PHTF1: variants seen among roughly 807,000 people sequenced by gnomAD.
PHTF1 encodes protein PHTF1.
PHTF1 carries 88 observed loss-of-function variants against 102.4 expected under a neutral mutation model. The observed-to-expected ratio is 0.86, with a 90% CI of 0.72 to 1.03. PHTF1 has a LOEUF of 1.03. PHTF1 is among the 50% of genes least tolerant of loss of function. PHTF1 has a pLI of 0.00. For missense variants in PHTF1, 814 were observed against 909.5 expected (o/e 0.89, Z 1.35); for synonymous variants, 289 against 305.2 (o/e 0.95, Z 0.55).
chr1:113,710,821 T>G, intron 10 of PHTF1, among the ~76,000 whole-genome samples: 1 of 147,564 alleles, frequency 6.8e-6, no homozygotes, highest in Middle Eastern at 3.5e-3. Flanking sequence ...TTTTTTTTTT[T>G]TTTTTGTAAA....
In PHTF1 at chr1:113,699,842, A is replaced by T. The variant is rs748414068; in HGVS notation, c.2047-43T>A. On this transcript the variant is annotated intron_variant, in intron 16 of 18. Coordinates refer to ENST00000369604, the MANE Select transcript of PHTF1 (RefSeq NM_001323043.2). ...AATTAAGGTAAATTTCTTGGAAAAA[A>T]ATATATATACTGCATAAAATCTGGC... The T allele has an allele frequency of 5.7e-5, 46 of 810,612 alleles. No homozygotes were observed. In the East Asian group the frequency reaches 6.1e-4, roughly 11 times the overall value. 50.2% of individuals were successfully genotyped at this position (810,612 alleles called of 1,614,324 possible).
At chr1:113,736,769 C>T (rs147944094) in intron 5 of PHTF1, among the ~76,000 whole-genome samples, 5 of 152,072 alleles carry the variant, frequency 3.3e-5, no homozygotes, top group South Asian at 4.2e-4. Flanking sequence ...AAAACAGCTC[C>T]GTGTGAAGAA....
At chr1:113,747,279 ATT>A (rs1236106458) in intron 3 of PHTF1, among the ~76,000 whole-genome samples, 1 of 152,124 alleles carries the variant, frequency 6.6e-6, no homozygotes, top group African/African-American at 2.4e-5. Context: ...CCTCTCACAA[ATT>A]TTTTGCTTGT....
chr1:113,707,103 C>G (rs2101125293), intron 11 of PHTF1, among the ~76,000 whole-genome samples: 1 of 151,792 alleles, frequency 6.6e-6, no homozygotes, highest in East Asian at 1.9e-4. Flanking sequence ...AGGTTGCTTC[C>G]CTCTCTAAAG....
intron 17 of PHTF1, 47 bp downstream of exon 17, chr1:113,699,657 G>T: frequency 1.2e-6 from 1 of 820,102 alleles, no homozygotes; most frequent in Non-Finnish European, 2.1e-6. Context: ...AGAAAAGACT[G>T]ATTTAACTCA....
chr1:113,750,003 T>G (rs919567050), intron 3 of PHTF1, among the ~76,000 whole-genome samples: 40 of 147,846 alleles, frequency 2.7e-4, no homozygotes, highest in South Asian at 1.7e-3. Context: ...TTTGTTTTTG[T>G]TTTTTTTTCA....
chr1:113,746,746 T>C, intron 3 of PHTF1: 1 of 234,770 alleles, frequency 4.3e-6, no homozygotes, highest in South Asian at 1.6e-4. Flanking sequence ...ATTTAATGTA[T>C]TATTTGGTTT....
intron 2 of PHTF1, 131 bp downstream of exon 2, chr1:113,758,528 T>A: frequency 2.3e-6 from 1 of 436,580 alleles, no homozygotes. Flanking sequence ...TTTTTTTTTT[T>A]TTCATTTATG....
intron 11 of PHTF1, among the ~76,000 whole-genome samples, chr1:113,707,209 AAG>A (rs1273430076): frequency 6.6e-6 from 1 of 152,178 alleles, no homozygotes; most frequent in African/African-American, 2.4e-5. Flanking sequence ...GAAGTAAAGG[AAG>A]AGAGATACTA....
intron 11 of PHTF1, among the ~76,000 whole-genome samples, chr1:113,709,311 G>T (rs367836935): frequency 4.6e-5 from 7 of 152,050 alleles, no homozygotes; most frequent in Non-Finnish European, 8.8e-5. Flanking sequence ...TTAATGAAGC[G>T]ATTTTTTAAA....
chr1:113,700,621 T>C (rs1649332656), intron 16 of PHTF1, among the ~76,000 whole-genome samples, 173 bp downstream of exon 16: 1 of 152,222 alleles, frequency 6.6e-6, no homozygotes, highest in African/African-American at 2.4e-5. Flanking sequence ...GAGGAGATAT[T>C]ACATCCATTT....
intron 7 of PHTF1, among the ~76,000 whole-genome samples, chr1:113,721,411 A>C (rs773878213): frequency 1.5e-4 from 23 of 152,180 alleles, no homozygotes; most frequent in Non-Finnish European, 3.1e-4. Context: ...ATACTGAATG[A>C]GGAAAAACTG....
chr1:113,698,635 A>G lies in PHTF1; in HGVS notation c.2143-248T>C, dbSNP rs902298194. 7.3e-5 allele frequency among the ~76,000 whole-genome samples: 11 copies of G among 150,948 alleles called. No individual in the cohort carries two copies. In the East Asian group the frequency reaches 2.2e-3, roughly 30 times the overall value. ...TATATATATATACACACACACACAC[A>G]CACACACACACACACACACACACAT... On this transcript the variant is annotated intron_variant, in intron 17 of 18. Transcript: ENST00000369604.
At chr1:113,710,094 C>A (rs1198842717) in intron 11 of PHTF1, among the ~76,000 whole-genome samples, 160 bp downstream of exon 11, 1 of 152,194 alleles carries the variant, frequency 6.6e-6, no homozygotes, top group Non-Finnish European at 1.5e-5. Context: ...ATCCCAACAT[C>A]TTCACTTATA....
intron 5 of PHTF1, 138 bp downstream of exon 5, chr1:113,737,972 A>G: frequency 1.6e-6 from 1 of 619,254 alleles, no homozygotes; most frequent in South Asian, 2.1e-5. Context: ...ATGAACCCCA[A>G]ATGGCATATG....
In PHTF1 at chr1:113,706,092, A is replaced by G. The variant is rs761981459; in HGVS notation, c.1469T>C (p.Phe490Ser). ...GNVVTIGLAF[F>S]PFLHRLFREK... is the part of the protein sequence containing the mutation. Reference sequence around the variant, plus strand: ...ACGGAAAAGTCGATGTAAGAATGGAAAAAATGCTAATCCAATAGTGACAAC... The same window carrying G: ...ACGGAAAAGTCGATGTAAGAATGGAGAAAATGCTAATCCAATAGTGACAAC... The change falls in exon 13 of 19, where the codon TTT becomes TCT. Residue 490 changes from phenylalanine to serine, a missense_variant. Phe to Ser is a radical substitution (Grantham distance 155, BLOSUM62 -2). Coordinates refer to ENST00000369604, the MANE Select transcript of PHTF1 (RefSeq NM_001323043.2). 1.9e-5 allele frequency: 31 copies of G among 1,613,990 alleles called. No individual in the cohort carries two copies. In the Admixed American group the frequency reaches 5.0e-4, roughly 26 times the overall value.
intron 6 of PHTF1, 21 bp downstream of exon 6, chr1:113,726,397 C>G (rs763391196): frequency 2.6e-6 from 4 of 1,532,930 alleles, no homozygotes; most frequent in Admixed American, 1.8e-5. Context: ...TATACAACTA[C>G]AGTGTAATTT....
chr1:113,722,177 C>A (rs916655283), intron 7 of PHTF1, among the ~76,000 whole-genome samples: 1 of 151,856 alleles, frequency 6.6e-6, no homozygotes, highest in Admixed American at 6.6e-5. Flanking sequence ...CGCAGCCGGG[C>A]GCAGTGGGTC....
chr1:113,744,673 A>T (rs1656930862), intron 3 of PHTF1, among the ~76,000 whole-genome samples: 1 of 152,318 alleles, frequency 6.6e-6, no homozygotes, highest in South Asian at 2.1e-4. Context: ...GGAATCAAGA[A>T]ACACATATGA....
Sources: gnomAD v4.1 joint callset for allele counts (sites outside exome capture counted in the v4.1 genomes callset) on GRCh38, gnomAD v4.1.1 for gene constraint, MANE v1.5 for transcripts, NCBI Gene and HGNC (gene_info 2026-07-23, HGNC 2026-07-21) for gene names.